Variants in ADCK2 observed in about 807,000 individuals in gnomAD.
ADCK2 encodes the protein aarF domain containing kinase 2, also known as uncharacterized aarF domain-containing protein kinase 2.
A neutral mutation model predicts 52.3 loss-of-function variants in ADCK2; 37 were observed. The ratio of observed to expected loss-of-function variants is 0.71; its 90% CI spans 0.54 to 0.93. The LOEUF is 0.93. ADCK2 is among the 40% of genes least tolerant of loss of function. The pLI is 0.00. For missense variants in ADCK2, 695 were observed against 798.7 expected, an observed-to-expected ratio of 0.87 and a Z score of 1.56; for synonymous variants, 321 against 349.2, an observed-to-expected ratio of 0.92 and a Z score of 0.90.
chr7:140,679,654 T>TTC (rs1264271874), intron 3 of ADCK2, among the ~76,000 whole-genome samples: 30 of 146,408 alleles, frequency 2.0e-4, no homozygotes, highest in East Asian at 1.8e-3. Context: ...TAGTTCAGCC[T>TTC]TCTCTCTCTT....
At chr7:140,691,775 C>T (rs1210940801) in intron 7 of ADCK2, among the ~76,000 whole-genome samples, 1 of 152,240 alleles carries the variant, frequency 6.6e-6, no homozygotes, top group African/African-American at 2.4e-5. Context: ...ACCAATTTAT[C>T]CCCTCAGTCT....
In ADCK2 at chr7:140,694,977, T is replaced by C. The variant is rs1794775215; in HGVS notation, c.*174T>C. ...TGGTTTGAGGGTCTGTTCAAAAGCT[T>C]TGGGCCAATTAGGGAGTAAAAGGAG... is the stretch of plus-strand genomic sequence containing the variant. On this transcript the variant is annotated 3_prime_UTR_variant, in exon 8 of 8. Coordinates refer to ENST00000072869, the MANE Select transcript of ADCK2 (RefSeq NM_052853.4). 8 of 1,353,778 alleles carry C rather than the reference T, an allele frequency of 5.9e-6. No individual in the cohort carries two copies. The highest frequency in any genetic ancestry group is 7.6e-6 in the Non-Finnish European group (8 of 1,055,774). The allele number at this position is 1,353,778 out of a possible 1,614,324, so 83.9% of individuals were successfully genotyped here.
At chr7:140,680,105 G>T (rs1794490563) in intron 3 of ADCK2, among the ~76,000 whole-genome samples, 1 of 151,626 alleles carries the variant, frequency 6.6e-6, no homozygotes, top group African/African-American at 2.4e-5. Flanking sequence ...TCTTTTATTT[G>T]TTAATTAGGG....
chr7:140,695,077 G>A lies in ADCK2; in HGVS notation c.*274G>A, dbSNP rs1794777103. ...CACTCTCCTTCAGGGAAAATGTTATGTGGAGGAGGACGAATAAATTTATTT... is the reference window on the plus strand; with the variant it reads ...CACTCTCCTTCAGGGAAAATGTTATATGGAGGAGGACGAATAAATTTATTT... On this transcript the variant is annotated 3_prime_UTR_variant, in exon 8 of 8. Coordinates refer to ENST00000072869, the MANE Select transcript of ADCK2 (RefSeq NM_052853.4). 2 of 1,199,136 alleles carry A rather than the reference G, an allele frequency of 1.7e-6. No individual in the cohort carries two copies. Among genetic ancestry groups the A allele is most frequent in the Non-Finnish European group, 1.0e-6 (1 of 966,964 alleles). The allele number at this position is 1,199,136 out of a possible 1,614,324, so 74.3% of individuals were successfully genotyped here.
intron 2 of ADCK2, among the ~76,000 whole-genome samples, chr7:140,675,069 C>T (rs1056764774): frequency 2.4e-4 from 37 of 152,114 alleles, no homozygotes; most frequent in Non-Finnish European, 8.8e-5. Flanking sequence ...ATGGTGTAAC[C>T]CTGTCTCTAC....
rs57302302 is a variant in ADCK2, at chr7:140,679,662, CTTTTTTTTT to C, written c.1209+399_1209+407del. Among the ~76,000 whole-genome samples the C allele has an allele frequency of 7.4e-4, 56 of 75,374 alleles. 1 individual carries two copies. Among genetic ancestry groups the C allele is most frequent in the Middle Eastern group, 0.01 (1 of 98 alleles). The allele number at this position is 75,374 out of a possible 152,430, so 49.4% of individuals were successfully genotyped here. A position where few individuals can be genotyped will look rare whatever the true frequency, so the allele number is the denominator to read the frequency against. ...TCTACTCTAGTTCAGCCTTCTCTCT[CTTTTTTTTT>C]TTTTTTTTTTTTTTTTTTTGAGATA... On this transcript the variant is annotated intron_variant, in intron 3 of 7. Coordinates refer to ENST00000072869, the MANE Select transcript of ADCK2 (RefSeq NM_052853.4).
In ADCK2 at chr7:140,689,620, C is replaced by G; in HGVS notation, c.1581C>G (p.Ile527Met). 6.2e-7 allele frequency: 1 copy of G among 1,610,582 alleles called. No individual in the cohort carries two copies. Among genetic ancestry groups the G allele is most frequent in the Non-Finnish European group, 8.5e-7 (1 of 1,177,960 alleles). The change falls in exon 6 of 8, where the codon ATC (isoleucine) becomes ATG (methionine). Residue 527 changes from isoleucine (I) to methionine (M), a missense_variant. Transcript: ENST00000072869. ...AGGGCCAGAGAGTGGCTGAGCTGAT[C>G]CTGCATCATGCCCGGGCCAGCGAGT... ...MGQGQRVAEL[I>M]LHHARASECR... is the part of the protein sequence containing the mutation.
intron 7 of ADCK2, among the ~76,000 whole-genome samples, chr7:140,692,803 T>C (rs904889825): frequency 1.3e-5 from 2 of 152,274 alleles, no homozygotes; most frequent in Non-Finnish European, 2.9e-5. Context: ...AAACATTTAA[T>C]GTAGCCAGTA....
At chr7:140,684,088 C>A (rs940205772) in intron 4 of ADCK2, among the ~76,000 whole-genome samples, 1 of 152,044 alleles carries the variant, frequency 6.6e-6, no homozygotes, top group African/African-American at 2.4e-5. Flanking sequence ...AGGGGCAAGC[C>A]ATGTTGGTGT....
In ADCK2 at chr7:140,674,200, G is replaced by A; in HGVS notation, c.870G>A (p.Val290=). Residue 290 remains valine (V), a synonymous_variant, in exon 1 of 8, where the codon GTG becomes GTA. Coordinates refer to ENST00000072869, the MANE Select transcript of ADCK2 (RefSeq NM_052853.4). The surrounding 1 kb of genome is among the most constrained non-coding windows in gnomAD (Gnocchi z 4.6). The part of the protein sequence containing the change: ...KADLVGSNAG[V]SRAQVPGHQP... The stretch of plus-strand genomic sequence containing the variant: ...ACCTGGTTGGATCAAATGCAGGGGT[G>A]TCTCGGGCTCAGGTCCCTGGCCACC... 1 of 1,614,054 alleles carries A rather than the reference G, an allele frequency of 6.2e-7. No individual in the cohort carries two copies. Among genetic ancestry groups the A allele is most frequent in the Non-Finnish European group, 8.5e-7 (1 of 1,180,036 alleles).
intron 7 of ADCK2, among the ~76,000 whole-genome samples, chr7:140,691,702 G>C (rs1794705276): frequency 6.6e-6 from 1 of 152,242 alleles, no homozygotes; most frequent in African/African-American, 2.4e-5. Flanking sequence ...GTGGAGAAGG[G>C]AGGACCTCGT....
Position 140,689,641 on chromosome 7 carries a change from C to T in ADCK2, c.1602C>T (p.Ser534=), listed in dbSNP as rs376577091. The part of the protein sequence containing the change: ...AELILHHARA[S]ECRDVEGFKT... The stretch of plus-strand genomic sequence containing the variant: ...TGATCCTGCATCATGCCCGGGCCAG[C>T]GAGTGCAGGGACGTGGAGGGGTTCA... The change falls in exon 6 of 8, where the codon AGC becomes AGT. Residue 534 remains serine, a synonymous_variant. Coordinates refer to ENST00000072869, the MANE Select transcript of ADCK2 (RefSeq NM_052853.4). 7 of 1,612,248 alleles carry T rather than the reference C, an allele frequency of 4.3e-6. No individual in the cohort carries two copies. Among genetic ancestry groups the T allele is most frequent in the East Asian group, 2.2e-5 (1 of 44,728 alleles).
intron 2 of ADCK2, 72 bp from the exon 3 acceptor site, chr7:140,679,083 T>G: frequency 6.4e-7 from 1 of 1,564,630 alleles, no homozygotes; most frequent in Non-Finnish European, 8.7e-7. Flanking sequence ...ACTTGCTAGC[T>G]CCTTGGCATT....
At chr7:140,684,304 C>T (rs1269650055) in intron 4 of ADCK2, among the ~76,000 whole-genome samples, 3 of 152,114 alleles carry the variant, frequency 2.0e-5, no homozygotes, top group Non-Finnish European at 4.4e-5. Flanking sequence ...ATAGGGTCAC[C>T]ATGATGGTTA....
chr7:140,674,261 AAAGT>A lies in ADCK2; in HGVS notation c.933+3_933+6del. ...CACCAACCTCATCTCCGTGGCAGTG[AAAGT>A]AAGTGTTGTGAGAGCTCACAGCTCA... On this transcript the variant is annotated splice_donor_variant and coding_sequence_variant, in exon 1 of 8. Transcript: ENST00000072869. LOFTEE classifies it high-confidence loss of function. The surrounding 1 kb of genome is among the most constrained non-coding windows in gnomAD (Gnocchi z 4.6). The A allele has an allele frequency of 1.2e-6, 2 of 1,609,608 alleles. No individual in the cohort carries two copies. Among genetic ancestry groups the A allele is most frequent in the Non-Finnish European group, 1.7e-6 (2 of 1,177,574 alleles).
chr7:140,677,098 C>G (rs140493895), intron 2 of ADCK2, among the ~76,000 whole-genome samples: 2 of 152,080 alleles, frequency 1.3e-5, no homozygotes, highest in Non-Finnish European at 2.9e-5. Flanking sequence ...AACAAGTGAG[C>G]TTTCCTATCC....
rs1459848162 is a variant in ADCK2 at position 140,693,759 on chromosome 7, G to A, written c.1741-904G>A. On this transcript the variant is annotated intron_variant, in intron 7 of 7. Transcript: ENST00000072869. This position sits in a 1 kb window ranked among gnomAD's most constrained non-coding sequence, Gnocchi z 4.0. ...GAGTTTCACTCTGTTGCCCAGGCTG[G>A]AGTGCAGTGGAGCCATCCTGGCTCA... 6.6e-6 allele frequency among the ~76,000 whole-genome samples: 1 copy of A among 152,120 alleles called. No individual in the cohort carries two copies. The highest frequency in any genetic ancestry group is 2.4e-5 in the African/African-American group (1 of 41,406).
intron 4 of ADCK2, among the ~76,000 whole-genome samples, chr7:140,684,257 T>A (rs991874054): frequency 1.3e-5 from 2 of 152,162 alleles, no homozygotes; most frequent in African/African-American, 4.8e-5. Flanking sequence ...TCGTCAGGCT[T>A]CTTATCTTTC....
Position 140,673,526 on chromosome 7 carries a change from A to T in ADCK2, c.196A>T (p.Ser66Cys). 1 of 1,599,430 alleles carries T rather than the reference A, an allele frequency of 6.3e-7. No homozygotes were observed. Among genetic ancestry groups the T allele is most frequent in the Non-Finnish European group, 8.5e-7 (1 of 1,176,222 alleles). Residue 66 changes from serine (S) to cysteine (C), a missense_variant, in exon 1 of 8, where the codon AGT becomes TGT. Transcript: ENST00000072869. This position sits in a 1 kb window ranked among gnomAD's most constrained non-coding sequence, Gnocchi z 6.4. ...DVGEGAPDVL[S>C]RRRVRCSGAA... ...GGGTGAGGGGGCCCCTGACGTTCTG[A>T]GTCGGCGAAGGGTCCGCTGCAGCGG... is the stretch of plus-strand genomic sequence containing the variant.
Sources: gnomAD v4.1 joint callset for allele counts (sites outside exome capture counted in the v4.1 genomes callset) on GRCh38, gnomAD v4.1.1 for gene constraint, Gnocchi (gnomAD v3.1) non-coding constraint, MANE v1.5 for transcripts, NCBI Gene and HGNC (gene_info 2026-07-23, HGNC 2026-07-21) for gene names.